Variants in ZNF875 observed in about 807,000 individuals in gnomAD.
The protein encoded by ZNF875 is HKR1, GLI-Kruppel zinc finger family member.
Under a neutral mutation model 11.2 loss-of-function variants are expected in ZNF875, and 14 were observed. That is an observed-to-expected ratio of 1.26 (90% CI 0.83 to 1.96). The LOEUF (loss-of-function observed/expected upper bound fraction) is 1.96, where lower values mean the gene tolerates loss of function less well. ZNF875 is among the 30% of genes most tolerant of loss of function. The pLI is 0.00. For missense variants in ZNF875, 752 were observed against 760.4 expected, an observed-to-expected ratio of 0.99 and a Z score of 0.13; for synonymous variants, 301 against 281.1, an observed-to-expected ratio of 1.07 and a Z score of -0.71.
At chr19:37,342,561 C>T (rs554268337) in intron 2 of ZNF875, among the ~76,000 whole-genome samples, 28 of 152,062 alleles carry the variant, frequency 1.8e-4, no homozygotes, top group African/African-American at 4.1e-4. Context: ...TACAGGCATG[C>T]GCCACCACAC....
chr19:37,333,765 T>C (rs2033758605), upstream of ZNF875, among the ~76,000 whole-genome samples: 3 of 152,134 alleles, frequency 2.0e-5, no homozygotes, highest in South Asian at 6.2e-4. Context: ...GGACTGTGGA[T>C]ACAGAATTTA....
At chr19:37,352,183 T>C (rs955448902) in intron 4 of ZNF875, among the ~76,000 whole-genome samples, 58 of 152,280 alleles carry the variant, frequency 3.8e-4, no homozygotes, top group African/African-American at 1.4e-3. Context: ...CCGCTTGTCT[T>C]CAGGTCTGTT....
chr19:37,357,565 C>T (rs571730670), intron 4 of ZNF875, among the ~76,000 whole-genome samples: 26 of 152,196 alleles, frequency 1.7e-4, no homozygotes, highest in African/African-American at 6.0e-4. Flanking sequence ...TTGATGTATT[C>T]TTAGGCATTT....
intron 4 of ZNF875, among the ~76,000 whole-genome samples, chr19:37,361,732 C>A (rs1459378342): frequency 2.0e-5 from 3 of 151,922 alleles, no homozygotes; most frequent in Admixed American, 1.3e-4. Flanking sequence ...GCCTGGCAAA[C>A]ACGGTAAAAC....
At chr19:37,341,376 G>A (rs1040414616) in intron 2 of ZNF875, among the ~76,000 whole-genome samples, 6 of 152,182 alleles carry the variant, frequency 3.9e-5, no homozygotes, top group Non-Finnish European at 7.3e-5. Flanking sequence ...TTTTGACCAG[G>A]GCTGGAGGAC....
chr19:37,345,243 G>A (rs1271264200), intron 2 of ZNF875, among the ~76,000 whole-genome samples: 4 of 152,206 alleles, frequency 2.6e-5, no homozygotes, highest in Non-Finnish European at 4.4e-5. Context: ...GCCAGAGAGA[G>A]ATGAGGTATG....
Position 37,338,635 on chromosome 19 carries a change from G to A in ZNF875, c.33+3378G>A, listed in dbSNP as rs530754964. On this transcript the variant is annotated intron_variant, in intron 2 of 4. Transcript: ENST00000392153. ...GTATTTACTCAGGAAAAATTAAAGG[G>A]CATGAGCATTTAAATAGTTGTTTAA... Among the ~76,000 whole-genome samples, 6 of 152,282 alleles carry A rather than the reference G, an allele frequency of 3.9e-5. No individual in the cohort carries two copies. The East Asian group carries it at 1.2e-3, about 29-fold the overall frequency.
Position 37,361,037 on chromosome 19 carries a change from G to C in ZNF875, c.257-1072G>C, listed in dbSNP as rs150084118. On this transcript the variant is annotated intron_variant, in intron 4 of 4. Coordinates refer to ENST00000392153, the MANE Select transcript of ZNF875 (RefSeq NM_001353803.2). The stretch of plus-strand genomic sequence containing the variant: ...AAAATTATATAATCTGTGAACAAGA[G>C]ATTTTTTTTACTTCTTCCTTTCTAG... 7.0e-4 allele frequency among the ~76,000 whole-genome samples: 105 copies of C among 150,378 alleles called. No individual in the cohort carries two copies. The East Asian group carries it at 0.016, about 23-fold the overall frequency.
chr19:37,321,811 C>T (rs1206619878), intron 1 of ZNF875, among the ~76,000 whole-genome samples: 2 of 152,138 alleles, frequency 1.3e-5, no homozygotes, highest in Admixed American at 6.5e-5. Flanking sequence ...GATTCTGCCT[C>T]TCAAAGGGAG....
At chr19:37,325,793 G>A (rs1191274878) in intron 4 of ZNF875, among the ~76,000 whole-genome samples, 8 of 151,904 alleles carry the variant, frequency 5.3e-5, no homozygotes, top group African/African-American at 9.7e-5. Context: ...CTGCAGCCTC[G>A]ATATCTGGGG....
intron 4 of ZNF875, among the ~76,000 whole-genome samples, chr19:37,327,126 G>T (rs953248538): frequency 1.3e-5 from 2 of 151,778 alleles, no homozygotes; most frequent in African/African-American, 4.8e-5. Context: ...TCGAGTAGCT[G>T]GGATTACAGG....
intron 4 of ZNF875, chr19:37,359,477 C>G: frequency 6.8e-6 from 2 of 292,016 alleles, no homozygotes; most frequent in South Asian, 5.3e-5. Context: ...TATATCGGCT[C>G]ACTGCAACCT....
chr19:37,356,470 C>A (rs554483274), intron 4 of ZNF875, among the ~76,000 whole-genome samples: 109 of 152,204 alleles, frequency 7.2e-4, no homozygotes, highest in Middle Eastern at 3.4e-3. Flanking sequence ...TTAATAATAG[C>A]CATTCTGACT....
intron 4 of ZNF875, 179 bp from the exon 5 acceptor site, chr19:37,361,925 CAAAAA>C (rs11344989): frequency 5.0e-5 from 27 of 544,170 alleles, no homozygotes; most frequent in African/African-American, 4.4e-4. Context: ...AAAAAAAAAA[CAAAAA>C]AACAAAAGAA....
At chr19:37,329,183 C>T (rs2032998821) in intron 4 of ZNF875, 2 of 152,224 alleles carry the variant, frequency 1.3e-5, no homozygotes, top group African/African-American at 2.4e-5. Flanking sequence ...CCCCTGGATC[C>T]TCCTGGAATC....
chr19:37,320,044 C>T (rs1160966237), intron 1 of ZNF875, among the ~76,000 whole-genome samples: 11 of 152,126 alleles, frequency 7.2e-5, no homozygotes, highest in African/African-American at 1.4e-4. Context: ...CCCGCCACCA[C>T]GCCCAGCTAA....
chr19:37,351,136 A>G (rs2037824438), intron 4 of ZNF875, among the ~76,000 whole-genome samples: 1 of 152,186 alleles, frequency 6.6e-6, no homozygotes, highest in South Asian at 2.1e-4. Context: ...ATATATAATT[A>G]TTCTTATGCT....
intron 2 of ZNF875, among the ~76,000 whole-genome samples, chr19:37,338,529 C>A (rs113779564): frequency 6.6e-6 from 1 of 152,304 alleles, no homozygotes; most frequent in Non-Finnish European, 1.5e-5. Context: ...TCCTGTGCCA[C>A]CTCCTTCATT....
At chr19:37,358,087 G>A (rs1352871634) in intron 4 of ZNF875, 2 of 394,274 alleles carry the variant, frequency 5.1e-6, no homozygotes. Context: ...ATCATGAAGG[G>A]GTGTTGGATT....
Sources: gnomAD v4.1 joint callset for allele counts (sites outside exome capture counted in the v4.1 genomes callset) on GRCh38, gnomAD v4.1.1 for gene constraint, MANE v1.5 for transcripts, NCBI Gene and HGNC (gene_info 2026-07-23, HGNC 2026-07-21) for gene names.